The following MRC1 variants were observed in gnomAD, a reference collection of about 807,000 sequenced individuals.
The protein encoded by MRC1 is macrophage mannose receptor 1.
A neutral mutation model predicts 102.9 loss-of-function variants in MRC1; 62 were observed. That is an observed-to-expected ratio of 0.60 (90% CI 0.49 to 0.74). The LOEUF (loss-of-function observed/expected upper bound fraction) is 0.74. Ranked by LOEUF, MRC1 falls within the 30% of genes least tolerant of loss-of-function variation. The pLI, the probability that MRC1 is intolerant of heterozygous loss-of-function variation, is 0.00. For missense variants in MRC1, 1,237 were observed against 862.8 expected (o/e 1.43, Z -5.43); for synonymous variants, 457 against 298.4 (o/e 1.53, Z -5.48).
intron 2 of MRC1, among the ~76,000 whole-genome samples, chr10:17,824,408 C>G (rs963953457): frequency 6.6e-6 from 1 of 152,260 alleles, no homozygotes; most frequent in South Asian, 2.1e-4. Flanking sequence ...TGCTATGTTA[C>G]GGGGCTACTA....
chr10:17,875,293 T>G (rs895893714), intron 17 of MRC1, 40 bp downstream of exon 17: 2 of 778,306 alleles, frequency 2.6e-6, no homozygotes, highest in Non-Finnish European at 2.4e-6. Flanking sequence ...TAATAGTTTT[T>G]GGGGAACAGG....
At chr10:17,826,264 G>T (rs1013980649) in intron 2 of MRC1, among the ~76,000 whole-genome samples, 2 of 152,016 alleles carry the variant, frequency 1.3e-5, no homozygotes, top group African/African-American at 4.8e-5. Flanking sequence ...GTACAGTGGC[G>T]TGATCTCGGC....
chr10:17,813,702 T>A (rs80165563), intron 1 of MRC1, among the ~76,000 whole-genome samples: 40,670 of 91,372 alleles, frequency 0.45, 7,005 homozygotes, highest in East Asian at 0.62. Context: ...ATATATATAT[T>A]TTTTTTTTTT....
chr10:17,841,234 T>G (rs1554839874), intron 5 of MRC1, among the ~76,000 whole-genome samples: 1 of 152,248 alleles, frequency 6.6e-6, no homozygotes, highest in African/African-American at 2.4e-5. Flanking sequence ...TTGTAAAGTT[T>G]GACAAGTGGA....
At chr10:17,866,501 A>G in intron 11 of MRC1, 61 bp from the exon 12 acceptor site, 1 of 780,808 alleles carries the variant, frequency 1.3e-6, no homozygotes, top group South Asian at 1.3e-5. Flanking sequence ...GCCTTCTGTG[A>G]GCACGGCAGG....
chr10:17,820,537 A>C (rs1004687754), intron 1 of MRC1, among the ~76,000 whole-genome samples: 7 of 152,360 alleles, frequency 4.6e-5, no homozygotes, highest in Admixed American at 3.3e-4. Context: ...CCAATCAGTT[A>C]ATTGACTGAA....
chr10:17,811,759 T>G (rs2130566817), intron 1 of MRC1, among the ~76,000 whole-genome samples: 2 of 152,174 alleles, frequency 1.3e-5, no homozygotes, highest in Admixed American at 1.3e-4. Flanking sequence ...TTTATTTTTT[T>G]TTATTTTTGT....
chr10:17,815,941 C>T (rs1265340844), intron 1 of MRC1, among the ~76,000 whole-genome samples: 3 of 152,142 alleles, frequency 2.0e-5, no homozygotes, highest in African/African-American at 7.2e-5. Context: ...ATTCTCCTGC[C>T]TCAGCCCCCC....
chr10:17,833,879 T>A (rs1838621331), intron 4 of MRC1, 40 bp downstream of exon 4: 1 of 778,000 alleles, frequency 1.3e-6, no homozygotes, highest in African/African-American at 1.7e-5. Flanking sequence ...CATGACTGCT[T>A]TATTTTTATA....
At position 17,827,643 on chromosome 10, in the gene MRC1, G is replaced by A; in HGVS notation, c.565G>A (p.Asp189Asn). The change falls in exon 3 of 30, where the codon GAT becomes AAT. Residue 189 changes from aspartate (D) to asparagine (N), a missense_variant. Transcript: ENST00000569591. ...YADCTSAGRS[D>N]GWLWCGTTTD... Reference sequence around the variant, plus strand: ...AGATTGCACGAGTGCTGGGCGGTCGGATGGATGGCTCTGGTGCGGAACCAC... The same window carrying A: ...AGATTGCACGAGTGCTGGGCGGTCGAATGGATGGCTCTGGTGCGGAACCAC... 1.3e-6 allele frequency: 1 copy of A among 780,868 alleles called. No individual in the cohort carries two copies. The highest frequency in any genetic ancestry group is 2.3e-4 in the Middle Eastern group (1 of 4,436). The allele number at this position is 780,868 out of a possible 1,614,324, so 48.4% of individuals were successfully genotyped here.
At chr10:17,837,111 G>A (rs893920904) in intron 4 of MRC1, among the ~76,000 whole-genome samples, 20 of 152,268 alleles carry the variant, frequency 1.3e-4, no homozygotes, top group African/African-American at 4.1e-4. Flanking sequence ...GACTCGAGCT[G>A]CAGGAAATGC....
intron 4 of MRC1, among the ~76,000 whole-genome samples, chr10:17,838,733 G>T (rs1838707448): frequency 6.6e-6 from 1 of 152,148 alleles, no homozygotes; most frequent in Non-Finnish European, 1.5e-5. Context: ...CAGAGCCTTG[G>T]GAGGCTGAGG....
Position 17,849,760 on chromosome 10 carries a change from A to T in MRC1, c.1245A>T (p.Gly415=), listed in dbSNP as rs1187488775. The T allele has an allele frequency of 4.2e-5, 33 of 780,432 alleles. No homozygotes were observed. The highest frequency in any genetic ancestry group is 2.9e-4 in the Admixed American group (17 of 59,004). The allele number at this position is 780,432 out of a possible 1,614,324, so 48.3% of individuals were successfully genotyped here. A position where few individuals can be genotyped will look rare whatever the true frequency, so the allele number is the denominator to read the frequency against. The change falls in exon 7 of 30, where the codon GGA becomes GGT. Residue 415 remains glycine (G), a synonymous_variant. Transcript: ENST00000569591. ...TGGACTTTATTATCTCCCAGCTAGGATATGGTGAGAAACTTGACAGTGATA... is the reference window on the plus strand; with the variant it reads ...TGGACTTTATTATCTCCCAGCTAGGTTATGGTGAGAAACTTGACAGTGATA... The part of the protein sequence containing the change: ...EELDFIISQL[G]YEPNDELWIG...
intron 3 of MRC1, among the ~76,000 whole-genome samples, chr10:17,828,976 C>G (rs1838526640): frequency 6.6e-6 from 1 of 151,382 alleles, no homozygotes; most frequent in African/African-American, 2.5e-5. Context: ...ACCAGACACC[C>G]TCCTCCTGAT....
At chr10:17,815,251 G>A (rs948085989) in intron 1 of MRC1, among the ~76,000 whole-genome samples, 5 of 152,266 alleles carry the variant, frequency 3.3e-5, no homozygotes, top group African/African-American at 9.6e-5. Context: ...CACAGTCAGC[G>A]AGCAGCGGAG....
At chr10:17,830,077 A>G (rs952285763) in intron 3 of MRC1, among the ~76,000 whole-genome samples, 1 of 151,434 alleles carries the variant, frequency 6.6e-6, no homozygotes, top group Non-Finnish European at 1.5e-5. Context: ...AGGGCTTTAT[A>G]GTCTTCCAGT....
intron 3 of MRC1, 114 bp downstream of exon 3, chr10:17,827,829 T>C (rs1838504364): frequency 1.4e-6 from 1 of 735,498 alleles, no homozygotes; most frequent in Non-Finnish European, 2.5e-6. Flanking sequence ...ATTTACGACC[T>C]CATTGTACCT....
chr10:17,892,987 C>T (rs1317108230), intron 22 of MRC1, among the ~76,000 whole-genome samples: 41 of 142,634 alleles, frequency 2.9e-4, no homozygotes, highest in Non-Finnish European at 4.0e-4. Flanking sequence ...TCCAGCCTGG[C>T]GACAGAGCGA....
At chr10:17,909,598 C>T (rs1453334122) in intron 29 of MRC1, among the ~76,000 whole-genome samples, 4 of 151,326 alleles carry the variant, frequency 2.6e-5, no homozygotes, top group Non-Finnish European at 4.4e-5. Context: ...AAACAGCTGC[C>T]TTGAACCCAT....
Sources: gnomAD v4.1 joint callset for allele counts (sites outside exome capture counted in the v4.1 genomes callset) on GRCh38, gnomAD v4.1.1 for gene constraint, MANE v1.5 for transcripts, NCBI Gene and HGNC (gene_info 2026-07-23, HGNC 2026-07-21) for gene names.